RALYL: variants seen among roughly 807,000 people sequenced by gnomAD.
The protein encoded by RALYL is RNA-binding Raly-like protein.
Under a neutral mutation model 35.1 loss-of-function variants are expected in RALYL, and 29 were observed. That is an observed-to-expected ratio of 0.83 (90% CI 0.61 to 1.13). The LOEUF is 1.13. Among genes scored for constraint, RALYL ranks in the 50% most tolerant of loss-of-function variants. The probability of loss-of-function intolerance (pLI) is 0.00; values close to 1 mark genes in which losing one functional copy is unlikely to be tolerated. For synonymous variants in RALYL, 120 were observed against 127.6 expected (o/e 0.94, Z 0.40); for missense variants, 359 against 360.4 (o/e 1.00, Z 0.03).
chr8:84,715,730 T>C (rs542949572), intron 2 of RALYL, among the ~76,000 whole-genome samples: 9 of 152,200 alleles, frequency 5.9e-5, no homozygotes, highest in African/African-American at 1.9e-4. Context: ...AACAGCTAAG[T>C]TGTTTGGCAT....
chr8:84,482,202 G>A (rs975289590), intron 1 of RALYL, among the ~76,000 whole-genome samples: 1 of 151,928 alleles, frequency 6.6e-6, no homozygotes, highest in Admixed American at 6.6e-5. Flanking sequence ...TGAGAGCAGA[G>A]GAATACAGCT....
chr8:84,866,588 T>A (rs575257839), intron 6 of RALYL, among the ~76,000 whole-genome samples: 44 of 152,270 alleles, frequency 2.9e-4, no homozygotes, highest in African/African-American at 1.1e-3. Context: ...CTTAGTTTCC[T>A]CATCTATAAA....
At chr8:84,817,746 G>C (rs1586522629) in intron 4 of RALYL, among the ~76,000 whole-genome samples, 1 of 151,608 alleles carries the variant, frequency 6.6e-6, no homozygotes. Flanking sequence ...AGAAACGGGG[G>C]GTCTCACTGT....
chr8:84,703,197 T>C (rs1010020941), intron 2 of RALYL, among the ~76,000 whole-genome samples: 1 of 152,106 alleles, frequency 6.6e-6, no homozygotes, highest in Non-Finnish European at 1.5e-5. Context: ...TGGCTTGTAT[T>C]CACCGGGTAT....
In RALYL at chr8:84,529,343, A is replaced by G. The variant is rs1161972246; in HGVS notation, c.22A>G (p.Ser8Gly). 1 of 1,582,284 alleles carries G rather than the reference A, an allele frequency of 6.3e-7. No individual in the cohort carries two copies. Among genetic ancestry groups the G allele is most frequent in the Non-Finnish European group, 8.6e-7 (1 of 1,162,396 alleles). MTGKTQT[S>G]NVTNKNDPKS... Reference sequence around the variant, plus strand: ...AATCATGACTGGCAAAACACAGACCAGCAACGTCACCAATAAGAATGACCC... The same window carrying G: ...AATCATGACTGGCAAAACACAGACCGGCAACGTCACCAATAAGAATGACCC... Residue 8 changes from serine (S) to glycine (G), a missense_variant, in exon 2 of 9, where the codon AGC becomes GGC. Coordinates refer to ENST00000521268, the MANE Select transcript of RALYL (RefSeq NM_173848.7).
intron 2 of RALYL, among the ~76,000 whole-genome samples, chr8:84,734,434 C>T (rs1000569341): frequency 2.0e-5 from 3 of 151,930 alleles, no homozygotes; most frequent in South Asian, 2.1e-4. Flanking sequence ...AAAATAATTC[C>T]TTCACTATTT....
rs140674677 is a variant in RALYL, at chr8:84,714,629, C to G, written c.257-59950C>G. Among the ~76,000 whole-genome samples the G allele has an allele frequency of 1.5e-3, 224 of 152,046 alleles. 1 individual carries two copies. Among genetic ancestry groups the G allele is most frequent in the African/African-American group, 4.7e-3 (196 of 41,572 alleles). On this transcript the variant is annotated intron_variant, in intron 2 of 8. Coordinates refer to ENST00000521268, the MANE Select transcript of RALYL (RefSeq NM_173848.7). ...TGTAGGAAGTAGTGTTTTCTATGCT[C>G]TAACATATGCCATCTTTGAAACATC...
chr8:84,640,558 G>A (rs535216606), intron 2 of RALYL, among the ~76,000 whole-genome samples: 9 of 152,002 alleles, frequency 5.9e-5, no homozygotes, highest in Admixed American at 2.0e-4. Context: ...ATCAAGAAAA[G>A]CCAAGATGAC....
chr8:84,405,590 A>G (rs760097591), intron 1 of RALYL, among the ~76,000 whole-genome samples: 3 of 152,170 alleles, frequency 2.0e-5, no homozygotes, highest in Non-Finnish European at 4.4e-5. Flanking sequence ...CCTCTATGCA[A>G]ATAAAGTAGA....
chr8:84,862,386 G>C lies in RALYL; in HGVS notation c.504G>C (p.Arg168Ser), dbSNP rs1838284922. The change falls in exon 6 of 9, where the codon AGG becomes AGC. Residue 168 changes from arginine (R) to serine (S), a missense_variant. Physicochemically the swap from Arg to Ser is moderately radical, Grantham distance 110. Coordinates refer to ENST00000521268, the MANE Select transcript of RALYL (RefSeq NM_173848.7). ...GAGTGGCAGTCACAACGACTCGCAG[G>C]GGGAAAGGAGTCTTTTCCATGAAAG... ...RPRVAVTTTR[R>S]GKGVFSMKGG... The C allele has an allele frequency of 3.1e-6, 5 of 1,607,452 alleles. No individual in the cohort carries two copies. The highest frequency in any genetic ancestry group is 4.2e-6 in the Non-Finnish European group (5 of 1,177,284).
chr8:84,600,802 C>T (rs1341051907), intron 2 of RALYL, among the ~76,000 whole-genome samples: 1 of 152,072 alleles, frequency 6.6e-6, no homozygotes, highest in Non-Finnish European at 1.5e-5. Context: ...GGCAAACTGA[C>T]AGTGTGGTAT....
At chr8:84,645,437 T>C (rs959382892) in intron 2 of RALYL, among the ~76,000 whole-genome samples, 4 of 152,036 alleles carry the variant, frequency 2.6e-5, no homozygotes, top group Non-Finnish European at 5.9e-5. Flanking sequence ...CAATCTCTTC[T>C]GTCAATTTTA....
At chr8:84,842,489 CA>C (rs983070486) in intron 4 of RALYL, among the ~76,000 whole-genome samples, 17 of 150,302 alleles carry the variant, frequency 1.1e-4, no homozygotes, top group Non-Finnish European at 2.4e-4. Context: ...GCTTACCAAC[CA>C]AAAAAAGTCC....
At chr8:84,748,043 T>G (rs367722939) in intron 2 of RALYL, among the ~76,000 whole-genome samples, 2 of 152,024 alleles carry the variant, frequency 1.3e-5, no homozygotes, top group African/African-American at 2.4e-5. Context: ...AAGTGTCATC[T>G]TAATACTTTT....
chr8:84,228,468 A>AG (rs1824513808), intron 1 of RALYL, among the ~76,000 whole-genome samples: 2 of 152,202 alleles, frequency 1.3e-5, no homozygotes, highest in South Asian at 4.1e-4. Flanking sequence ...ACTGATAAAA[A>AG]TCCTGCAACT....
chr8:84,492,203 A>G (rs1475233014), intron 1 of RALYL, among the ~76,000 whole-genome samples: 2 of 152,036 alleles, frequency 1.3e-5, no homozygotes, highest in Admixed American at 6.6e-5. Flanking sequence ...CAAAAGTAAA[A>G]CCTGTCATGG....
chr8:84,755,369 A>T (rs1811134125), intron 2 of RALYL, among the ~76,000 whole-genome samples: 1 of 152,202 alleles, frequency 6.6e-6, no homozygotes. Context: ...TGTCAACAGA[A>T]GCACCTTCTC....
intron 5 of RALYL, among the ~76,000 whole-genome samples, chr8:84,853,544 A>G (rs1293810716): frequency 1.3e-5 from 2 of 152,164 alleles, no homozygotes; most frequent in Non-Finnish European, 2.9e-5. Context: ...AAAATCATTT[A>G]TTTGTTTTGT....
intron 2 of RALYL, among the ~76,000 whole-genome samples, chr8:84,568,854 G>A (rs1341646301): frequency 1.2e-4 from 18 of 151,396 alleles, no homozygotes; most frequent in African/African-American, 4.1e-4. Context: ...GTCTTCTTTT[G>A]AGAAGTGTCT....
Sources: allele counts gnomAD v4.1 joint callset (sites outside exome capture counted in the v4.1 genomes callset), GRCh38; gene constraint gnomAD v4.1.1; transcripts MANE v1.5; gene names NCBI Gene and HGNC (gene_info 2026-07-23, HGNC 2026-07-21).